Variants in GON4L observed in about 807,000 individuals in gnomAD.
GON4L encodes the protein gon-4 like, also known as GON-4-like protein.
GON4L carries 87 observed loss-of-function variants against 211.8 expected under a neutral mutation model. The observed-to-expected ratio is 0.41, with a 90% CI of 0.35 to 0.49. GON4L has a LOEUF of 0.49. GON4L is among the 20% of genes least tolerant of loss of function. The probability of loss-of-function intolerance (pLI) is 0.15; values close to 1 mark genes in which losing one functional copy is unlikely to be tolerated. For missense variants in GON4L, 2,155 were observed against 2,659.5 expected, an observed-to-expected ratio of 0.81 and a Z score of 4.17; for synonymous variants, 875 against 962.6, an observed-to-expected ratio of 0.91 and a Z score of 1.68.
In GON4L at chr1:155,761,332, C is replaced by T. The variant is rs143756959; in HGVS notation, c.4912-691G>A. Among the ~76,000 whole-genome samples, 66 of 151,620 alleles carry T rather than the reference C, an allele frequency of 4.4e-4. No individual in the cohort carries two copies. In the Middle Eastern group the frequency reaches 0.024, roughly 55 times the overall value. ...AAGTACCTAGGACCACAGGCATGCA[C>T]CACCATGCTTAGCTCACTATTTTTT... On this transcript the variant is annotated intron_variant, in intron 23 of 31. Transcript: ENST00000368331.
At chr1:155,784,233 A>C in intron 13 of GON4L, 144 bp from the exon 14 acceptor site, 4 of 1,152,764 alleles carry the variant, frequency 3.5e-6, no homozygotes, top group Non-Finnish European at 5.0e-6. Flanking sequence ...GAACTTTCTC[A>C]CTTCAGGATT....
chr1:155,770,486 A>G (rs1007694712), intron 19 of GON4L, among the ~76,000 whole-genome samples: 2 of 152,234 alleles, frequency 1.3e-5, no homozygotes, highest in African/African-American at 4.8e-5. Context: ...CCTATGACTG[A>G]GCCAATGCAC....
At chr1:155,836,199 C>G (rs919824352) in intron 2 of GON4L, among the ~76,000 whole-genome samples, 1 of 151,154 alleles carries the variant, frequency 6.6e-6, no homozygotes. Context: ...TTGGCCTCCA[C>G]GAAAAGATGA....
At position 155,774,782 on chromosome 1, in the gene GON4L, A is replaced by G. The variant is rs939186689; in HGVS notation, c.2350+220T>C. 2.5e-5 allele frequency: 17 copies of G among 683,856 alleles called. No individual in the cohort carries two copies. The African/African-American group carries it at 2.7e-4, about 11-fold the overall frequency. 42.4% of individuals were successfully genotyped at this position (683,856 alleles called of 1,614,324 possible). A position where few individuals can be genotyped will look rare whatever the true frequency, so the allele number is the denominator to read the frequency against. The stretch of plus-strand genomic sequence containing the variant: ...AGATCTCTACCTCCCATATTCCTAT[A>G]CTGTCCACTGCCTCCACACTTTACC... On this transcript the variant is annotated intron_variant, in intron 17 of 31. Coordinates refer to ENST00000368331, the MANE Select transcript of GON4L (RefSeq NM_001282860.2).
At chr1:155,764,560 C>T in intron 21 of GON4L, 1 of 346,220 alleles carries the variant, frequency 2.9e-6, no homozygotes, top group Admixed American at 4.1e-5. Context: ...CTGCCTCTGC[C>T]TCCCAAGCAG....
At chr1:155,807,520 C>T (rs1265425222) in intron 10 of GON4L, among the ~76,000 whole-genome samples, 1 of 151,726 alleles carries the variant, frequency 6.6e-6, no homozygotes, top group Non-Finnish European at 1.5e-5. Flanking sequence ...TCCTGGCTAA[C>T]AGTGAAACCC....
Position 155,766,401 on chromosome 1 carries a change from T to C in GON4L, c.3072A>G (p.Arg1024=). 1 of 1,614,084 alleles carries C rather than the reference T, an allele frequency of 6.2e-7. No individual in the cohort carries two copies. Residue 1024 remains arginine, a synonymous_variant, in exon 21 of 32, where the codon CGA becomes CGG. Transcript: ENST00000368331. ...PSFNPGKTPA[R]STHSEAPPSK... Reference sequence around the variant, plus strand: ...TCGGAGGGGCTTCTGAATGAGTTGATCGGGCTGGTGTTTTCCCAGGGTTGA... The same window carrying C: ...TCGGAGGGGCTTCTGAATGAGTTGACCGGGCTGGTGTTTTCCCAGGGTTGA...
At chr1:155,814,517 T>G (rs1332260040) in intron 8 of GON4L, 68 bp from the exon 9 acceptor site, 1 of 1,462,894 alleles carries the variant, frequency 6.8e-7, no homozygotes, top group Non-Finnish European at 9.6e-7. Flanking sequence ...CTGAAGTATC[T>G]CAAGAGAAGG....
chr1:155,789,198 AG>A lies in GON4L; in HGVS notation c.1748-3825del, dbSNP rs559064149. ...TGGGGTGAGGATTCTATATCCTGAC[AG>A]GGATTTGTGTCACATAGGTACACAC... On this transcript the variant is annotated intron_variant, in intron 12 of 31. Transcript: ENST00000368331. Among the ~76,000 whole-genome samples the A allele has an allele frequency of 3.9e-3, 599 of 152,304 alleles. 7 individuals are homozygous for A. The highest frequency in any genetic ancestry group is 0.014 in the African/African-American group (572 of 41,558).
intron 1 of GON4L, among the ~76,000 whole-genome samples, chr1:155,856,864 G>A (rs375505347): frequency 2.6e-5 from 4 of 152,098 alleles, no homozygotes; most frequent in African/African-American, 9.7e-5. Flanking sequence ...ACTTTTTTGG[G>A]AACCCAAGTC....
chr1:155,816,019 C>A, intron 7 of GON4L, 119 bp from the exon 8 acceptor site: 1 of 734,060 alleles, frequency 1.4e-6, no homozygotes, highest in Non-Finnish European at 2.4e-6. Flanking sequence ...TAATGTACAG[C>A]TAAAGCAAAT....
chr1:155,749,202 A>T (rs1286488210), downstream of GON4L: 3 of 1,331,848 alleles, frequency 2.3e-6, no homozygotes, highest in Non-Finnish European at 2.1e-6. Flanking sequence ...CAGTGAGCCG[A>T]GATCACACCA....
chr1:155,794,140 C>T (rs1233321686), intron 12 of GON4L, among the ~76,000 whole-genome samples: 2 of 151,770 alleles, frequency 1.3e-5, no homozygotes, highest in African/African-American at 2.4e-5. Context: ...GGCGTGATCT[C>T]GGCTCACTGC....
intron 28 of GON4L, among the ~76,000 whole-genome samples, 174 bp from the exon 29 acceptor site, chr1:155,753,588 C>G (rs1660839719): frequency 6.6e-6 from 1 of 152,118 alleles, no homozygotes; most frequent in Non-Finnish European, 1.5e-5. Flanking sequence ...GCCTATAAAC[C>G]TAGTTACTTG....
At chr1:155,817,424 G>A (rs544157051) in intron 6 of GON4L, among the ~76,000 whole-genome samples, 5 of 152,160 alleles carry the variant, frequency 3.3e-5, no homozygotes, top group Non-Finnish European at 5.9e-5. Context: ...ATTAGGTTCT[G>A]TCTCTAAAAG....
chr1:155,745,369 G>A (rs1430656154), downstream of GON4L, among the ~76,000 whole-genome samples: 1 of 152,252 alleles, frequency 6.6e-6, no homozygotes, highest in African/African-American at 2.4e-5. Context: ...GTCGTGATCC[G>A]TGTGACTTCT....
At position 155,853,280 on chromosome 1, in the gene GON4L, T is replaced by C. The variant is rs753967379; in HGVS notation, c.501A>G (p.Glu167=). The change falls in exon 2 of 32, where the codon GAA becomes GAG. Residue 167 remains glutamate, a synonymous_variant. Transcript: ENST00000368331. Reference sequence around the variant, plus strand: ...TAGAGACCTTGTATACCTTACCTCCTTCTTCCTTGACTTCTTCACTAGGCT... The same window carrying C: ...TAGAGACCTTGTATACCTTACCTCCCTCTTCCTTGACTTCTTCACTAGGCT... ...SGEPSEEVKE[E]GGKPQMNSEG... The C allele has an allele frequency of 7.1e-5, 114 of 1,613,292 alleles. No individual in the cohort carries two copies. Among genetic ancestry groups the C allele is most frequent in the Non-Finnish European group, 9.5e-5 (112 of 1,179,314 alleles).
chr1:155,835,478 A>T (rs1557916684), intron 2 of GON4L, among the ~76,000 whole-genome samples: 1 of 147,664 alleles, frequency 6.8e-6, no homozygotes, highest in Non-Finnish European at 1.5e-5. Context: ...AAAAAAAAAA[A>T]TCTGCCCCTT....
chr1:155,781,816 G>A (rs1664456817), intron 14 of GON4L, among the ~76,000 whole-genome samples: 1 of 151,794 alleles, frequency 6.6e-6, no homozygotes, highest in Non-Finnish European at 1.5e-5. Flanking sequence ...GAGTACAGTG[G>A]CACAATCTCA....
Sources: allele counts gnomAD v4.1 joint callset (sites outside exome capture counted in the v4.1 genomes callset), GRCh38; gene constraint gnomAD v4.1.1; transcripts MANE v1.5; gene names NCBI Gene and HGNC (gene_info 2026-07-23, HGNC 2026-07-21).